Variants in ELMO1 observed in about 807,000 individuals in gnomAD.
ELMO1 encodes the protein engulfment and cell motility protein 1.
Under a neutral mutation model 98.9 loss-of-function variants are expected in ELMO1, and 26 were observed. The observed-to-expected ratio is 0.26, with a 90% CI of 0.19 to 0.36. ELMO1 has a LOEUF of 0.36. ELMO1 is among the 10% of genes least tolerant of loss of function. The pLI is 1.00. For missense variants in ELMO1, 627 were observed against 935.2 expected (o/e 0.67, Z 4.30); for synonymous variants, 346 against 346.0 (o/e 1.00, Z 0.00).
intron 1 of ELMO1, among the ~76,000 whole-genome samples, chr7:37,346,692 A>T (rs1055812127): frequency 1.3e-5 from 2 of 152,252 alleles, no homozygotes; most frequent in African/African-American, 4.8e-5. Context: ...TTTAGGTAAC[A>T]CTATTCAAAA....
At chr7:36,911,313 C>T (rs1376519424) in intron 16 of ELMO1, among the ~76,000 whole-genome samples, 2 of 151,928 alleles carry the variant, frequency 1.3e-5, no homozygotes, top group Non-Finnish European at 2.9e-5. Context: ...GAAGTGGATG[C>T]CAAACCAACA....
At chr7:37,378,423 C>G (rs1383600941) in intron 1 of ELMO1, among the ~76,000 whole-genome samples, 1 of 152,166 alleles carries the variant, frequency 6.6e-6, no homozygotes, top group African/African-American at 2.4e-5. Flanking sequence ...TATTAACTCA[C>G]TGTCCACCTA....
At chr7:37,421,550 G>T (rs181582784) in intron 1 of ELMO1, among the ~76,000 whole-genome samples, 38 of 152,292 alleles carry the variant, frequency 2.5e-4, no homozygotes, top group Middle Eastern at 3.4e-3. Flanking sequence ...TAGTCCTCAT[G>T]ATATCAAAGC....
intron 14 of ELMO1, among the ~76,000 whole-genome samples, chr7:37,120,541 C>G (rs1389929554): frequency 6.6e-6 from 1 of 152,212 alleles, no homozygotes; most frequent in Admixed American, 6.5e-5. Context: ...GCATAGCAGT[C>G]TGAGATCAAA....
At position 36,855,294 on chromosome 7, in the gene ELMO1, T is replaced by C; in HGVS notation, c.*257A>G. 2.0e-6 allele frequency: 1 copy of C among 512,778 alleles called. No individual in the cohort carries two copies. The highest frequency in any genetic ancestry group is 3.6e-5 in the East Asian group (1 of 27,902). The allele number at this position is 512,778 out of a possible 1,614,324, so 31.8% of individuals were successfully genotyped here. ...TGGCCTTCTTACTGGCAGTGGGCTT[T>C]GCTCTTGTCCCACCAGTGGACTGCA... On this transcript the variant is annotated 3_prime_UTR_variant, in exon 22 of 22. Coordinates refer to ENST00000310758, the MANE Select transcript of ELMO1 (RefSeq NM_014800.11). The surrounding 1 kb of genome is among the most constrained non-coding windows in gnomAD (Gnocchi z 4.2).
intron 14 of ELMO1, among the ~76,000 whole-genome samples, chr7:37,122,992 T>A (rs376006425): frequency 6.6e-6 from 1 of 152,020 alleles, no homozygotes; most frequent in Non-Finnish European, 1.5e-5. Context: ...CACTCAAAAC[T>A]GCTCAACTAC....
At chr7:36,948,449 C>T (rs1787690241) in intron 16 of ELMO1, among the ~76,000 whole-genome samples, 1 of 152,186 alleles carries the variant, frequency 6.6e-6, no homozygotes, top group African/African-American at 2.4e-5. Context: ...AAAGGTTCTA[C>T]AGAGCACATC....
chr7:37,091,730 A>G (rs561555404), intron 15 of ELMO1, among the ~76,000 whole-genome samples: 8 of 152,300 alleles, frequency 5.3e-5, no homozygotes, highest in African/African-American at 1.7e-4. Flanking sequence ...TTATAAAGAA[A>G]AAGAGGTTTA....
chr7:36,996,847 G>C (rs947608228), intron 16 of ELMO1, among the ~76,000 whole-genome samples: 3 of 152,138 alleles, frequency 2.0e-5, no homozygotes, highest in Non-Finnish European at 2.9e-5. Context: ...AAGGCATGCT[G>C]GGCACTCAGT....
chr7:37,302,845 A>G (rs1489107698), intron 4 of ELMO1, among the ~76,000 whole-genome samples: 9 of 152,174 alleles, frequency 5.9e-5, no homozygotes, highest in Non-Finnish European at 1.2e-4. Context: ...AAACAATCAG[A>G]CAATAAATTA....
At chr7:37,020,623 T>C (rs996672675) in intron 15 of ELMO1, among the ~76,000 whole-genome samples, 1 of 152,212 alleles carries the variant, frequency 6.6e-6, no homozygotes, top group Non-Finnish European at 1.5e-5. Flanking sequence ...TTTGAGATGC[T>C]GAAAAGCTCT....
chr7:37,207,669 G>A (rs1303679239), intron 13 of ELMO1, among the ~76,000 whole-genome samples: 2 of 151,880 alleles, frequency 1.3e-5, no homozygotes, highest in South Asian at 2.1e-4. Context: ...GATGGCTGGT[G>A]TAGTGCCTCA....
At chr7:37,050,818 T>G (rs888929828) in intron 15 of ELMO1, among the ~76,000 whole-genome samples, 15 of 151,438 alleles carry the variant, frequency 9.9e-5, no homozygotes, top group Non-Finnish European at 2.1e-4. Flanking sequence ...TTCAAAGGTT[T>G]TTTTTTTTTT....
intron 13 of ELMO1, among the ~76,000 whole-genome samples, chr7:37,169,279 C>G (rs979395658): frequency 1.3e-5 from 2 of 152,220 alleles, no homozygotes; most frequent in East Asian, 3.9e-4. Flanking sequence ...AACTCCCTGA[C>G]CCCTTGCACT....
chr7:37,335,041 T>C (rs1419035119), intron 2 of ELMO1, among the ~76,000 whole-genome samples: 2 of 152,180 alleles, frequency 1.3e-5, no homozygotes, highest in African/African-American at 4.8e-5. Context: ...TACAAATGTA[T>C]GTAAGCCACT....
chr7:36,877,979 ACTCAGGC>A, intron 19 of ELMO1, 24 bp downstream of exon 19: 5 of 1,554,414 alleles, frequency 3.2e-6, no homozygotes, highest in Non-Finnish European at 4.4e-6. Context: ...ACCGACCACC[ACTCAGGC>A]CTCTGCCAAG....
intron 13 of ELMO1, among the ~76,000 whole-genome samples, chr7:37,133,645 C>T (rs536346870): frequency 1.3e-5 from 2 of 152,292 alleles, no homozygotes; most frequent in South Asian, 2.1e-4. Flanking sequence ...AAGGAAACCA[C>T]GACCTACCCA....
At chr7:37,313,332 CTCCCACCTCAGCT>C (rs778086603) in intron 4 of ELMO1, among the ~76,000 whole-genome samples, 9 of 152,194 alleles carry the variant, frequency 5.9e-5, no homozygotes, top group Non-Finnish European at 1.3e-4. Flanking sequence ...CCAAGTGATC[CTCCCACCTCAGCT>C]TCCCGAACAG....
chr7:36,971,474 C>T (rs1308605398), intron 16 of ELMO1, among the ~76,000 whole-genome samples: 1 of 152,128 alleles, frequency 6.6e-6, no homozygotes, highest in Admixed American at 6.6e-5. Context: ...CAGGAGGAGT[C>T]AAGGGAGGAA....
Sources: allele counts gnomAD v4.1 joint callset (sites outside exome capture counted in the v4.1 genomes callset), GRCh38; gene constraint gnomAD v4.1.1; non-coding constraint Gnocchi (gnomAD v3.1); transcripts MANE v1.5; gene names NCBI Gene and HGNC (gene_info 2026-07-23, HGNC 2026-07-21).